The following CDK7 variants were observed in gnomAD, a reference collection of about 807,000 sequenced individuals.
CDK7 encodes the protein cyclin dependent kinase 7.
Under a neutral mutation model 49.1 loss-of-function variants are expected in CDK7, and 25 were observed. That is an observed-to-expected ratio of 0.51 (90% confidence interval 0.37 to 0.71). The LOEUF (loss-of-function observed/expected upper bound fraction) is 0.71. Ranked by LOEUF, CDK7 falls within the 30% of genes least tolerant of loss-of-function variation. CDK7 has a pLI of 0.00. For synonymous variants in CDK7, 107 were observed against 140.0 expected, an observed-to-expected ratio of 0.76 and a Z score of 1.67; for missense variants, 316 against 411.7, an observed-to-expected ratio of 0.77 and a Z score of 2.01.
intron 2 of CDK7, among the ~76,000 whole-genome samples, chr5:69,237,614 C>T (rs1749087038): frequency 6.6e-6 from 1 of 152,158 alleles, no homozygotes; most frequent in South Asian, 2.1e-4. Flanking sequence ...TCACACTGTA[C>T]CTAGGGCCAT....
In CDK7 at chr5:69,277,148, A is replaced by G; in HGVS notation, c.*13A>G. 3.8e-6 allele frequency: 6 copies of G among 1,588,158 alleles called. No individual in the cohort carries two copies. Among genetic ancestry groups the G allele is most frequent in the Non-Finnish European group, 5.1e-6 (6 of 1,167,186 alleles). On this transcript the variant is annotated 3_prime_UTR_variant, in exon 12 of 12. Transcript: ENST00000256443. Reference sequence around the variant, plus strand: ...ACTAATTTTTTAAAGAGAACACTGGACAACATTTTACTACTGAGGGAAATA... The same window carrying G: ...ACTAATTTTTTAAAGAGAACACTGGGCAACATTTTACTACTGAGGGAAATA...
chr5:69,267,320 T>TTTG (rs1751228592), intron 8 of CDK7, among the ~76,000 whole-genome samples: 3 of 102,162 alleles, frequency 2.9e-5, no homozygotes, highest in Non-Finnish European at 4.0e-5. Flanking sequence ...TTTTTTTTTT[T>TTTG]GAGACAGAGT....
intron 2 of CDK7, among the ~76,000 whole-genome samples, chr5:69,243,173 T>G (rs1749502029): frequency 6.6e-6 from 1 of 152,252 alleles, no homozygotes; most frequent in Admixed American, 6.5e-5. Context: ...CCTGAGAAAC[T>G]GCAGATACAG....
In CDK7 at chr5:69,259,974, T is replaced by A. The variant is rs148835101; in HGVS notation, c.527+38T>A. 2.4e-6 allele frequency: 3 copies of A among 1,264,808 alleles called. No homozygotes were observed. The African/African-American group carries it at 4.4e-5, about 19-fold the overall frequency. The allele number at this position is 1,264,808 out of a possible 1,614,324, so 78.3% of individuals were successfully genotyped here. Reference sequence around the variant, plus strand: ...TAAAGCTACATGTGCAGGAGTTTGATCAGAAATGAGCATCAACTGGCTTCT... The same window carrying A: ...TAAAGCTACATGTGCAGGAGTTTGAACAGAAATGAGCATCAACTGGCTTCT... On this transcript the variant is annotated intron_variant, in intron 7 of 11. Transcript: ENST00000256443.
chr5:69,234,868 C>A (rs904334776), upstream of CDK7: 59 of 1,133,848 alleles, frequency 5.2e-5, no homozygotes, highest in Non-Finnish European at 6.8e-5. Flanking sequence ...ACTAAAGCGA[C>A]GGAGCCCGGT....
chr5:69,252,562 T>G (rs1750221042), intron 3 of CDK7, 111 bp downstream of exon 3: 1 of 662,714 alleles, frequency 1.5e-6, no homozygotes, highest in Non-Finnish European at 2.5e-6. Context: ...CAGGCTGGAG[T>G]ACTGAGACAC....
At chr5:69,243,864 G>T (rs1395923026) in intron 2 of CDK7, among the ~76,000 whole-genome samples, 2 of 110,704 alleles carry the variant, frequency 1.8e-5, no homozygotes, top group South Asian at 6.3e-4. Context: ...ATGGAGTCTC[G>T]CACTGTTGCC....
At chr5:69,243,147 G>A (rs1749500455) in intron 2 of CDK7, among the ~76,000 whole-genome samples, 1 of 152,232 alleles carries the variant, frequency 6.6e-6, no homozygotes, top group Admixed American at 6.5e-5. Context: ...CATGTTGATT[G>A]TTGTGAGCTG....
intron 10 of CDK7, among the ~76,000 whole-genome samples, chr5:69,276,275 C>T (rs1044420211): frequency 7.2e-5 from 11 of 152,090 alleles, no homozygotes; most frequent in Non-Finnish European, 1.0e-4. Flanking sequence ...GTGATCCACC[C>T]GCCTCAGCCT....
chr5:69,267,121 C>G (rs565416632), intron 8 of CDK7, among the ~76,000 whole-genome samples: 5 of 152,080 alleles, frequency 3.3e-5, no homozygotes, highest in African/African-American at 1.2e-4. Context: ...TTCAAACATG[C>G]AAAAGCAAAG....
intron 10 of CDK7, 146 bp downstream of exon 10, chr5:69,273,187 T>C (rs2150236530): frequency 1.7e-6 from 1 of 586,594 alleles, no homozygotes; most frequent in South Asian, 3.6e-5. Context: ...CTTTGTATCT[T>C]TTCCCCAAAC....
intron 9 of CDK7, among the ~76,000 whole-genome samples, chr5:69,271,515 T>A (rs1470834976): frequency 4.1e-5 from 1 of 24,434 alleles, no homozygotes; most frequent in South Asian, 2.1e-3. Context: ...TTTTTTTTCT[T>A]TTTTTTTTTT....
intron 7 of CDK7, among the ~76,000 whole-genome samples, chr5:69,261,490 CTGTGTGTGTGTG>C (rs1168767153): frequency 3.6e-5 from 5 of 139,546 alleles, no homozygotes; most frequent in Admixed American, 1.5e-4. Context: ...AAAAGGTTCT[CTGTGTGTGTGTG>C]TGTGTGTGTG....
intron 8 of CDK7, among the ~76,000 whole-genome samples, chr5:69,268,976 C>T (rs1751348139): frequency 6.6e-6 from 1 of 150,586 alleles, no homozygotes; most frequent in African/African-American, 2.4e-5. Context: ...AACCTCATCT[C>T]TACTAAAAAT....
At chr5:69,264,882 A>T (rs1239985760) in intron 8 of CDK7, among the ~76,000 whole-genome samples, 1 of 152,162 alleles carries the variant, frequency 6.6e-6, no homozygotes, top group African/African-American at 2.4e-5. Context: ...AGGCAGGAGA[A>T]TCGCTTGAAC....
chr5:69,270,003 G>C (rs1204404968), intron 9 of CDK7, among the ~76,000 whole-genome samples: 2 of 136,576 alleles, frequency 1.5e-5, no homozygotes, highest in Admixed American at 1.4e-4. Flanking sequence ...AGGCTGAGGC[G>C]GGCAGATCAT....
chr5:69,255,127 G>T (rs1013480688), intron 4 of CDK7, among the ~76,000 whole-genome samples: 2 of 151,532 alleles, frequency 1.3e-5, no homozygotes, highest in African/African-American at 4.8e-5. Flanking sequence ...GTTATTTAGA[G>T]GATTTCTTAA....
At position 69,277,329 on chromosome 5, in the gene CDK7, G is replaced by A; in HGVS notation, c.*194G>A. On this transcript the variant is annotated 3_prime_UTR_variant, in exon 12 of 12. Transcript: ENST00000256443. ...AATTTAATTCTGGTTTTTCTGATTA[G>A]AGTGCAAAAGTGAGAAAAGTTCAAT... is the stretch of plus-strand genomic sequence containing the variant. 2.3e-6 allele frequency: 1 copy of A among 432,436 alleles called. No individual in the cohort carries two copies. The allele number at this position is 432,436 out of a possible 1,614,324, so 26.8% of individuals were successfully genotyped here.
At chr5:69,254,521 CAAAA>C (rs35239844) in intron 3 of CDK7, 77 bp from the exon 4 acceptor site, 1,111 of 476,094 alleles carry the variant, frequency 2.3e-3, no homozygotes, top group Middle Eastern at 3.6e-3. Context: ...GACTCCATCT[CAAAA>C]AAAAAAAAAA....
Sources: gnomAD v4.1 joint callset for allele counts (sites outside exome capture counted in the v4.1 genomes callset) on GRCh38, gnomAD v4.1.1 for gene constraint, MANE v1.5 for transcripts, NCBI Gene and HGNC (gene_info 2026-07-23, HGNC 2026-07-21) for gene names.